The following SLC4A4 variants were observed in gnomAD, a reference collection of about 807,000 sequenced individuals.
The protein encoded by SLC4A4 is electrogenic sodium bicarbonate cotransporter 1.
Under a neutral mutation model 111.5 loss-of-function variants are expected in SLC4A4, and 27 were observed. The observed-to-expected ratio is 0.24, with a 90% CI of 0.18 to 0.33. The LOEUF (loss-of-function observed/expected upper bound fraction) is 0.33, where lower values mean the gene tolerates loss of function less well. SLC4A4 is among the 10% of genes least tolerant of loss of function. The pLI, the probability that SLC4A4 is intolerant of heterozygous loss-of-function variation, is 1.00. For synonymous variants in SLC4A4, 443 were observed against 463.4 expected, an observed-to-expected ratio of 0.96 and a Z score of 0.57; for missense variants, 909 against 1,315.5, an observed-to-expected ratio of 0.69 and a Z score of 4.78.
In SLC4A4 at chr4:71,088,004, G is replaced by A. The variant is rs899222088; in HGVS notation, c.-64-4726G>A. 3.6e-4 allele frequency among the ~76,000 whole-genome samples: 54 copies of A among 151,914 alleles called. 1 individual carries two copies. The highest frequency in any genetic ancestry group is 3.4e-3 in the Admixed American group (52 of 15,260). On this transcript the variant is annotated intron_variant, in intron 1 of 26. Coordinates refer to the SLC4A4 transcript ENST00000649996. ...TCATCTGTCTAATGTTGACAGTGGG[G>A]TGTTAAAATCTCCCATTATTATTGT...
chr4:71,455,107 A>C (rs1726110293), intron 12 of SLC4A4, among the ~76,000 whole-genome samples: 1 of 152,188 alleles, frequency 6.6e-6, no homozygotes, highest in Non-Finnish European at 1.5e-5. Flanking sequence ...TCCCACATAA[A>C]TGTGTACGCA....
Position 71,133,270 on chromosome 4 carries a change from G to T in SLC4A4, c.-2+40478G>T, listed in dbSNP as rs188996411. Among the ~76,000 whole-genome samples, 148 of 152,218 alleles carry T rather than the reference G, an allele frequency of 9.7e-4. 1 individual carries two copies. The highest frequency in any genetic ancestry group is 1.2e-3 in the Non-Finnish European group (84 of 68,016). ...CCTATTTCCTGAATAGCTCTGTGAG[G>T]CTAAGCTTTACCGTATGTTTTAGTT... is the stretch of plus-strand genomic sequence containing the variant. On this transcript the variant is annotated intron_variant, in intron 2 of 26. Coordinates refer to the SLC4A4 transcript ENST00000649996.
intron 2 of SLC4A4, among the ~76,000 whole-genome samples, chr4:71,117,579 A>T (rs942254728): frequency 1.2e-4 from 19 of 152,140 alleles, no homozygotes; most frequent in Non-Finnish European, 1.5e-4. Flanking sequence ...TCCTCTAGAG[A>T]CTTCTCTAAA....
intron 15 of SLC4A4, among the ~76,000 whole-genome samples, chr4:71,490,507 C>T (rs1729802897): frequency 6.6e-6 from 1 of 151,714 alleles, no homozygotes. Flanking sequence ...TTTGGGGGAT[C>T]TTTCTTTGCC....
chr4:71,495,520 A>G (rs568778922), intron 15 of SLC4A4, among the ~76,000 whole-genome samples: 1 of 152,264 alleles, frequency 6.6e-6, no homozygotes, highest in East Asian at 1.9e-4. Context: ...AGCTGTTTAC[A>G]AGTTGAAGCT....
chr4:71,224,487 G>A (rs1381092635), intron 1 of SLC4A4, among the ~76,000 whole-genome samples: 1 of 152,186 alleles, frequency 6.6e-6, no homozygotes, highest in East Asian at 1.9e-4. Context: ...TTTTGGGAAT[G>A]TGACTTAATT....
At chr4:71,440,889 T>A in intron 8 of SLC4A4, 116 bp downstream of exon 8, 1 of 1,146,550 alleles carries the variant, frequency 8.7e-7, no homozygotes, top group Non-Finnish European at 1.3e-6. Flanking sequence ...TGGAGAGGTT[T>A]AACTTGAAAT....
At chr4:71,387,713 C>G (rs1225585733) in intron 6 of SLC4A4, among the ~76,000 whole-genome samples, 1 of 152,090 alleles carries the variant, frequency 6.6e-6, no homozygotes, top group African/African-American at 2.4e-5. Flanking sequence ...AGGCTGGGCT[C>G]AAACTCCTGA....
rs1205332620 is a variant in SLC4A4 at position 71,534,237 on chromosome 4, C to T, written c.2291C>T (p.Pro764Leu). 2.5e-6 allele frequency: 4 copies of T among 1,613,374 alleles called. No homozygotes were observed. In the African/African-American group the frequency reaches 4.0e-5, roughly 16 times the overall value. Residue 764 changes from proline to leucine, a missense_variant, in exon 18 of 26, where the codon CCA (proline) becomes CTA (leucine). This residue lies in a region of SLC4A4 where 264 missense variants were observed against 356.8 expected (regional missense o/e 0.74). Coordinates refer to ENST00000264485, the MANE Select transcript of SLC4A4 (RefSeq NM_001098484.3). ...TCTGTCTTTTTCAAGCCAACAAGTC[C>T]AAACCGAGGTTGGTTCGTTCCACCG... is the stretch of plus-strand genomic sequence containing the variant. ...IVPSEFKPTS[P>L]NRGWFVPPFG...
At chr4:71,347,920 G>T (rs1401144743) in intron 4 of SLC4A4, among the ~76,000 whole-genome samples, 1 of 152,078 alleles carries the variant, frequency 6.6e-6, no homozygotes, top group Non-Finnish European at 1.5e-5. Flanking sequence ...AAATCAAGGA[G>T]TCATTACACT....
At chr4:71,465,795 A>T (rs1049013650) in intron 12 of SLC4A4, among the ~76,000 whole-genome samples, 2 of 152,022 alleles carry the variant, frequency 1.3e-5, no homozygotes, top group African/African-American at 4.8e-5. Context: ...CTACTTATTT[A>T]TGTTCCAGCA....
intron 1 of SLC4A4, among the ~76,000 whole-genome samples, chr4:71,221,478 A>C (rs1459102366): frequency 1.3e-5 from 2 of 152,252 alleles, no homozygotes; most frequent in African/African-American, 4.8e-5. Context: ...CCATGGAATC[A>C]GAAAACTCAT....
intron 1 of SLC4A4, among the ~76,000 whole-genome samples, chr4:71,064,016 G>A (rs1741451729): frequency 6.6e-6 from 1 of 152,058 alleles, no homozygotes; most frequent in African/African-American, 2.4e-5. Context: ...CACACTGTAT[G>A]TCTGTATCAA....
At chr4:71,351,697 C>T (rs1190666897) in intron 5 of SLC4A4, among the ~76,000 whole-genome samples, 1 of 152,074 alleles carries the variant, frequency 6.6e-6, no homozygotes, top group Non-Finnish European at 1.5e-5. Flanking sequence ...CCTGCCTCTA[C>T]TAAAAATACA....
intron 6 of SLC4A4, among the ~76,000 whole-genome samples, chr4:71,383,206 A>G (rs565527846): frequency 4.2e-4 from 64 of 152,308 alleles, no homozygotes; most frequent in African/African-American, 6.5e-4. Flanking sequence ...AGCTAAGACC[A>G]TACTTTCCTC....
intron 2 of SLC4A4, among the ~76,000 whole-genome samples, chr4:71,166,100 A>G (rs1438177759): frequency 6.6e-6 from 1 of 152,230 alleles, no homozygotes; most frequent in African/African-American, 2.4e-5. Flanking sequence ...TGGTTTACTA[A>G]GGAGTGAAAT....
chr4:71,552,983 C>T lies in SLC4A4; in HGVS notation c.2695-2157C>T, dbSNP rs1421448267. 2.0e-5 allele frequency among the ~76,000 whole-genome samples: 3 copies of T among 151,804 alleles called. No homozygotes were observed. The East Asian group carries it at 5.9e-4, about 30-fold the overall frequency. On this transcript the variant is annotated intron_variant, in intron 20 of 25. Transcript: ENST00000264485. ...TGATGAATTTTTAAGGATTGACCTC[C>T]TGTGACCCATGAACTAAATCCAATA...
intron 12 of SLC4A4, among the ~76,000 whole-genome samples, chr4:71,459,593 C>G (rs1278071799): frequency 6.6e-6 from 1 of 152,018 alleles, no homozygotes; most frequent in Non-Finnish European, 1.5e-5. Flanking sequence ...CAGAGCCCCT[C>G]TTAGTGGACT....
chr4:71,125,749 A>G (rs1440188320), intron 2 of SLC4A4, among the ~76,000 whole-genome samples: 1 of 152,236 alleles, frequency 6.6e-6, no homozygotes, highest in African/African-American at 2.4e-5. Context: ...TAAACTAAAC[A>G]CATGAAAAGG....
Sources: allele counts gnomAD v4.1 joint callset (sites outside exome capture counted in the v4.1 genomes callset), GRCh38; gene constraint gnomAD v4.1.1; regional missense constraint gnomAD v4.1.1; transcripts MANE v1.5; gene names NCBI Gene and HGNC (gene_info 2026-07-23, HGNC 2026-07-21).